Variants in TRPM8 observed in about 807,000 individuals in gnomAD.
TRPM8 encodes the protein transient receptor potential cation channel subfamily M member 8.
A neutral mutation model predicts 133.7 loss-of-function variants in TRPM8; 110 were observed. That is an observed-to-expected ratio of 0.82 (90% CI 0.70 to 0.96). The LOEUF is 0.96. TRPM8 is among the 40% of genes least tolerant of loss of function. The pLI, the probability that TRPM8 is intolerant of heterozygous loss-of-function variation, is 0.00. For missense variants in TRPM8, 1,291 were observed against 1,379.5 expected (o/e 0.94, Z 1.02); for synonymous variants, 535 against 532.3 (o/e 1.01, Z -0.07).
chr2:233,956,677 G>C (rs141167625), intron 11 of TRPM8, among the ~76,000 whole-genome samples: 5 of 152,152 alleles, frequency 3.3e-5, no homozygotes, highest in Non-Finnish European at 5.9e-5. Flanking sequence ...ACTAAGACTC[G>C]ATTTATATTA....
At chr2:233,962,909 T>C (rs1230762562) in intron 12 of TRPM8, among the ~76,000 whole-genome samples, 4 of 152,230 alleles carry the variant, frequency 2.6e-5, no homozygotes, top group African/African-American at 9.6e-5. Context: ...TAATTGAACT[T>C]AAGCCATAGG....
chr2:233,934,054 G>A (rs558196461), intron 3 of TRPM8: 5 of 167,064 alleles, frequency 3.0e-5, no homozygotes, highest in East Asian at 1.9e-4. Context: ...TTTGGAATAG[G>A]AATCATTTCC....
intron 3 of TRPM8, among the ~76,000 whole-genome samples, chr2:233,935,672 T>C (rs1252788309): frequency 1.3e-5 from 2 of 152,164 alleles, no homozygotes; most frequent in Non-Finnish European, 2.9e-5. Context: ...AACTCTCTGT[T>C]CTCCTTCTCC....
At chr2:233,979,281 T>G (rs550805361) in intron 17 of TRPM8, among the ~76,000 whole-genome samples, 29 of 152,320 alleles carry the variant, frequency 1.9e-4, no homozygotes, top group Non-Finnish European at 3.2e-4. Flanking sequence ...TTCGTGTCGT[T>G]TCTTTTCAAC....
chr2:233,919,801 G>A (rs1691372633), intron 1 of TRPM8, among the ~76,000 whole-genome samples: 1 of 152,118 alleles, frequency 6.6e-6, no homozygotes, highest in African/African-American at 2.4e-5. Flanking sequence ...TCATGTGCAA[G>A]CAGGACAAAT....
At chr2:233,939,249 C>T (rs865867470) in intron 5 of TRPM8, 74 bp downstream of exon 5, 2 of 1,526,228 alleles carry the variant, frequency 1.3e-6, no homozygotes, top group South Asian at 1.2e-5. Flanking sequence ...GAAGGCAGTT[C>T]CCGTGTGCAA....
Position 233,978,680 on chromosome 2 carries a change from C to T in TRPM8, c.2356-1508C>T, listed in dbSNP as rs1200530184. Among the ~76,000 whole-genome samples, 4 of 152,052 alleles carry T rather than the reference C, an allele frequency of 2.6e-5. No homozygotes were observed. In the East Asian group the frequency reaches 7.7e-4, roughly 29 times the overall value. On this transcript the variant is annotated intron_variant, in intron 17 of 25. Coordinates refer to ENST00000324695, the MANE Select transcript of TRPM8 (RefSeq NM_024080.5). ...TTGAATGATGGACCACATCTTTTTC[C>T]TAGATTATGCTTTTCCCTGCAACAA...
intron 20 of TRPM8, 56 bp downstream of exon 20, chr2:233,983,280 A>G (rs1559541115): frequency 6.2e-7 from 1 of 1,606,142 alleles, no homozygotes; most frequent in East Asian, 2.2e-5. Flanking sequence ...TGCTCCCTGA[A>G]CCAACCCCCA....
At chr2:233,991,744 A>T (rs1692283394) in intron 21 of TRPM8, among the ~76,000 whole-genome samples, 1 of 152,140 alleles carries the variant, frequency 6.6e-6, no homozygotes. Flanking sequence ...TGATTACTGA[A>T]GTATTTTTTT....
Position 234,006,852 on chromosome 2 carries a change from G to A in TRPM8, c.3131-1G>A, listed in dbSNP as rs1388361415. 1.2e-6 allele frequency: 2 copies of A among 1,606,566 alleles called. No homozygotes were observed. The highest frequency in any genetic ancestry group is 3.3e-5 in the Admixed American group (2 of 59,876). ...ATGTTTTCTTTTTCTCATTATTCAA[G>A]GTTTCAAAAATGAAGACAATGAGAC... On this transcript the variant is annotated splice_acceptor_variant, in intron 22 of 25. Coordinates refer to ENST00000324695, the MANE Select transcript of TRPM8 (RefSeq NM_024080.5). LOFTEE classifies it high-confidence loss of function.
intron 6 of TRPM8, among the ~76,000 whole-genome samples, chr2:233,944,613 A>G (rs1690998005): frequency 6.6e-6 from 1 of 152,232 alleles, no homozygotes. Flanking sequence ...TGGATCTAGA[A>G]TGATCTTTCA....
chr2:233,956,577 A>G (rs1691299226), intron 11 of TRPM8, among the ~76,000 whole-genome samples: 1 of 152,206 alleles, frequency 6.6e-6, no homozygotes, highest in Non-Finnish European at 1.5e-5. Flanking sequence ...ACATGTATGT[A>G]TAGATTTGAA....
At chr2:233,988,424 C>T (rs1692200246) in intron 21 of TRPM8, among the ~76,000 whole-genome samples, 1 of 152,136 alleles carries the variant, frequency 6.6e-6, no homozygotes, top group African/African-American at 2.4e-5. Context: ...GAATGGCGAA[C>T]TCTGGAGGGT....
chr2:233,927,796 TTTCC>T (rs1170295086), intron 2 of TRPM8, among the ~76,000 whole-genome samples: 306 of 25,568 alleles, frequency 0.012, 15 homozygotes, highest in East Asian at 0.019. Flanking sequence ...CTTTCTTTTC[TTTCC>T]TTCCTTCCTT....
chr2:233,929,008 TA>T (rs368283340), intron 2 of TRPM8, among the ~76,000 whole-genome samples: 26,085 of 123,676 alleles, frequency 0.21, 3,727 homozygotes, highest in East Asian at 0.61. Flanking sequence ...TTTTTTTTTT[TA>T]TTTTTTTGCT....
chr2:233,917,748 T>C (rs1214518073), intron 1 of TRPM8, among the ~76,000 whole-genome samples: 3 of 152,246 alleles, frequency 2.0e-5, no homozygotes, highest in Admixed American at 2.0e-4. Flanking sequence ...AAATGAGCTT[T>C]AATGAAAAAT....
chr2:234,012,362 G>A (rs1245534294), intron 24 of TRPM8, among the ~76,000 whole-genome samples: 1 of 151,844 alleles, frequency 6.6e-6, no homozygotes, highest in Non-Finnish European at 1.5e-5. Context: ...TGAGCAGGAT[G>A]GTCTCCATCT....
At chr2:233,948,805 G>A (rs1559525027) in intron 8 of TRPM8, among the ~76,000 whole-genome samples, 1 of 152,202 alleles carries the variant, frequency 6.6e-6, no homozygotes. Context: ...GGCCAAGGAG[G>A]GTGGATCACC....
At chr2:233,961,981 A>G (rs950492305) in intron 12 of TRPM8, among the ~76,000 whole-genome samples, 1 of 152,166 alleles carries the variant, frequency 6.6e-6, no homozygotes, top group African/African-American at 2.4e-5. Context: ...GAAGGTATCT[A>G]ACAGGGAATA....
Sources: gnomAD v4.1 joint callset for allele counts (sites outside exome capture counted in the v4.1 genomes callset) on GRCh38, gnomAD v4.1.1 for gene constraint, MANE v1.5 for transcripts, NCBI Gene and HGNC (gene_info 2026-07-23, HGNC 2026-07-21) for gene names.